PDE10A: variants seen among roughly 807,000 people sequenced by gnomAD.
The protein encoded by PDE10A is cAMP and cAMP-inhibited cGMP 3',5'-cyclic phosphodiesterase 10A.
Under a neutral mutation model 97.7 loss-of-function variants are expected in PDE10A, and 39 were observed. The observed-to-expected ratio is 0.40, with a 90% CI of 0.31 to 0.52. PDE10A has a LOEUF of 0.52. Among genes scored for constraint, PDE10A ranks in the 20% least tolerant of loss-of-function variants. The probability of loss-of-function intolerance (pLI) is 0.56; values close to 1 mark genes in which losing one functional copy is unlikely to be tolerated. For synonymous variants in PDE10A, 371 were observed against 376.8 expected (o/e 0.98, Z 0.18); for missense variants, 731 against 1,047.8 (o/e 0.70, Z 4.17).
chr6:165,587,052 A>G (rs977414019), intron 1 of PDE10A, among the ~76,000 whole-genome samples: 2 of 152,192 alleles, frequency 1.3e-5, no homozygotes, highest in Non-Finnish European at 2.9e-5. Flanking sequence ...CAGCCATCAC[A>G]GAGGGTGACC....
At chr6:165,848,307 G>GA (rs1308335001) in intron 1 of PDE10A, among the ~76,000 whole-genome samples, 1 of 152,190 alleles carries the variant, frequency 6.6e-6, no homozygotes, top group African/African-American at 2.4e-5. Context: ...GCCATTTGGG[G>GA]AGTCAGTCAC....
At chr6:165,878,253 A>T (rs1781395590) in intron 1 of PDE10A, among the ~76,000 whole-genome samples, 1 of 152,240 alleles carries the variant, frequency 6.6e-6, no homozygotes, top group Admixed American at 6.5e-5. Context: ...AGATTTCTAT[A>T]TCTTTGTTGA....
intron 1 of PDE10A, among the ~76,000 whole-genome samples, chr6:165,627,090 T>C (rs1171005140): frequency 2.0e-5 from 3 of 152,240 alleles, no homozygotes; most frequent in African/African-American, 7.2e-5. Flanking sequence ...TTCCCATTGG[T>C]TCGAAAACTA....
chr6:165,584,039 TG>T (rs1785765991), intron 1 of PDE10A, among the ~76,000 whole-genome samples: 1 of 152,176 alleles, frequency 6.6e-6, no homozygotes, highest in Non-Finnish European at 1.5e-5. Context: ...AAGTACTGGC[TG>T]GGGTGATTGA....
intron 15 of PDE10A, 48 bp downstream of exon 15, chr6:165,395,133 G>C: frequency 8.5e-7 from 1 of 1,170,658 alleles, no homozygotes; most frequent in South Asian, 1.2e-5. Flanking sequence ...GGAGGAAGAG[G>C]TTATGTCACC....
At chr6:165,688,031 C>T (rs955296344) in intron 1 of PDE10A, among the ~76,000 whole-genome samples, 7 of 152,212 alleles carry the variant, frequency 4.6e-5, no homozygotes, top group Non-Finnish European at 5.9e-5. Flanking sequence ...GGCCAGCACA[C>T]GCACACCCCA....
intron 1 of PDE10A, among the ~76,000 whole-genome samples, chr6:165,763,730 T>G (rs777942268): frequency 2.2e-4 from 33 of 152,254 alleles, no homozygotes; most frequent in Non-Finnish European, 4.3e-4. Flanking sequence ...GTCATGCTGA[T>G]GCAGCTTTGT....
intron 1 of PDE10A, among the ~76,000 whole-genome samples, chr6:165,569,795 GC>G (rs1784962313): frequency 6.6e-6 from 1 of 152,146 alleles, no homozygotes; most frequent in East Asian, 1.9e-4. Flanking sequence ...TGAAGGAAAT[GC>G]AGAACTGCAT....
intron 3 of PDE10A, among the ~76,000 whole-genome samples, chr6:165,475,076 C>G (rs890325885): frequency 2.0e-5 from 3 of 152,230 alleles, no homozygotes; most frequent in Middle Eastern, 3.4e-3. Context: ...TGCTGCTGAC[C>G]AATTCCTTCC....
At chr6:165,684,672 C>T (rs181168467) in intron 1 of PDE10A, among the ~76,000 whole-genome samples, 16 of 152,284 alleles carry the variant, frequency 1.1e-4, no homozygotes, top group Non-Finnish European at 1.9e-4. Flanking sequence ...CTTCAAGAAC[C>T]TCTATTTGGG....
intron 15 of PDE10A, 91 bp downstream of exon 15, chr6:165,395,090 A>G: frequency 1.4e-6 from 1 of 727,694 alleles, no homozygotes; most frequent in Non-Finnish European, 2.3e-6. Flanking sequence ...AAATAATTAC[A>G]AACAAAGATC....
At chr6:165,505,102 A>G (rs1010093197) in intron 2 of PDE10A, among the ~76,000 whole-genome samples, 3 of 152,180 alleles carry the variant, frequency 2.0e-5, no homozygotes, top group African/African-American at 7.2e-5. Flanking sequence ...CTGCCTAGAG[A>G]TGATCCCTCG....
In PDE10A at chr6:165,727,687, T is replaced by C. The variant is rs576431544; in HGVS notation, c.-614-184119A>G. Among the ~76,000 whole-genome samples, 6 of 152,318 alleles carry C rather than the reference T, an allele frequency of 3.9e-5. No individual in the cohort carries two copies. The South Asian group carries it at 1.2e-3, about 32-fold the overall frequency. On this transcript the variant is annotated intron_variant, in intron 1 of 19. Transcript: ENST00000366882. Reference sequence around the variant, plus strand: ...AAGACAGCCAGGAGATCAAAAGTAATTTAAAAATGAATAAGTCATTGGCTT... The same window carrying C: ...AAGACAGCCAGGAGATCAAAAGTAACTTAAAAATGAATAAGTCATTGGCTT...
chr6:165,796,049 G>A (rs908656723), intron 1 of PDE10A, among the ~76,000 whole-genome samples: 2 of 147,980 alleles, frequency 1.4e-5, no homozygotes, highest in African/African-American at 2.5e-5. Context: ...GGAAGATTTT[G>A]TAGCTGGAAT....
At position 165,900,871 on chromosome 6, in the gene PDE10A, C is replaced by T. The variant is rs532587018; in HGVS notation, c.-615+86658G>A. The stretch of plus-strand genomic sequence containing the variant: ...TTACACAGCAAAATATACGATGTTC[C>T]CTGAACTAACCAGACTAATGATAAC... On this transcript the variant is annotated intron_variant, in intron 1 of 19. Transcript: ENST00000366882. Among the ~76,000 whole-genome samples, 17 of 152,258 alleles carry T rather than the reference C, an allele frequency of 1.1e-4. No homozygotes were observed. In the South Asian group the frequency reaches 2.1e-3, roughly 19 times the overall value.
chr6:165,646,999 A>G (rs1789430589), intron 1 of PDE10A, among the ~76,000 whole-genome samples: 1 of 152,192 alleles, frequency 6.6e-6, no homozygotes, highest in Non-Finnish European at 1.5e-5. Context: ...GAGGCTGTGT[A>G]AAGGCATTTG....
rs144308987 is a variant in PDE10A, at chr6:165,417,811, T to C, written c.1796+824A>G. On this transcript the variant is annotated intron_variant, in intron 11 of 21. Coordinates refer to ENST00000539869, the MANE Select transcript of PDE10A (RefSeq NM_001385079.1). ...CCCTGACATCAGTCTCCTTTTATGA[T>C]AGAACGCCCAAATAAACAGCAATCC... Among the ~76,000 whole-genome samples, 19 of 152,318 alleles carry C rather than the reference T, an allele frequency of 1.2e-4. No individual in the cohort carries two copies. The East Asian group carries it at 3.5e-3, about 28-fold the overall frequency.
chr6:165,933,681 C>T (rs894285686), intron 1 of PDE10A, among the ~76,000 whole-genome samples: 1 of 152,192 alleles, frequency 6.6e-6, no homozygotes, highest in African/African-American at 2.4e-5. Context: ...TGGGTTTTTA[C>T]AGCCCAAGTT....
chr6:165,404,151 T>C (rs928486776), intron 13 of PDE10A, among the ~76,000 whole-genome samples: 1 of 152,184 alleles, frequency 6.6e-6, no homozygotes, highest in Admixed American at 6.5e-5. Flanking sequence ...CAGTCACAGG[T>C]ATCCAACTAT....
Sources: gnomAD v4.1 joint callset for allele counts (sites outside exome capture counted in the v4.1 genomes callset) on GRCh38, gnomAD v4.1.1 for gene constraint, MANE v1.5 for transcripts, NCBI Gene and HGNC (gene_info 2026-07-23, HGNC 2026-07-21) for gene names.